Variants in LRRFIP1 observed in about 807,000 individuals in gnomAD.
LRRFIP1 encodes leucine-rich repeat flightless-interacting protein 1.
In LRRFIP1, 62 loss-of-function variants were observed where a neutral mutation model predicts 104.4. That is an observed-to-expected ratio of 0.59 (90% CI 0.48 to 0.73). The LOEUF (loss-of-function observed/expected upper bound fraction) is 0.73, where lower values mean the gene tolerates loss of function less well. LRRFIP1 is among the 30% of genes least tolerant of loss of function. The probability of loss-of-function intolerance (pLI) is 0.00; values close to 1 mark genes in which losing one functional copy is unlikely to be tolerated. For synonymous variants in LRRFIP1, 300 were observed against 299.0 expected, an observed-to-expected ratio of 1.00 and a Z score of -0.03; for missense variants, 796 against 824.5, an observed-to-expected ratio of 0.97 and a Z score of 0.42.
intron 23 of LRRFIP1, among the ~76,000 whole-genome samples, chr2:237,778,904 G>A (rs1358598477): frequency 2.0e-5 from 3 of 147,056 alleles, no homozygotes; most frequent in Admixed American, 6.9e-5. Flanking sequence ...GTGACAGAGC[G>A]AGACTTTGTC....
At chr2:237,758,919 T>TATGTA in intron 18 of LRRFIP1, 98 bp downstream of exon 18, 1 of 690,154 alleles carries the variant, frequency 1.4e-6, no homozygotes, top group Non-Finnish European at 2.5e-6. Context: ...TGTACATAAT[T>TATGTA]CATTTTATGT....
intron 13 of LRRFIP1, among the ~76,000 whole-genome samples, 185 bp from the exon 14 acceptor site, chr2:237,751,015 A>T (rs547566708): frequency 6.6e-6 from 1 of 152,340 alleles, no homozygotes; most frequent in East Asian, 1.9e-4. Context: ...TAAAAATATC[A>T]TATGGGATAC....
chr2:237,722,849 CT>C (rs1379201353), intron 6 of LRRFIP1, among the ~76,000 whole-genome samples: 2 of 152,184 alleles, frequency 1.3e-5, no homozygotes, highest in Non-Finnish European at 2.9e-5. Flanking sequence ...CCTCCGTGCG[CT>C]GGGTTCCCTG....
rs1323643880 is a variant in LRRFIP1, at chr2:237,735,801, T to C, written c.555+468T>C. 6.4e-6 allele frequency: 1 copy of C among 156,808 alleles called. No individual in the cohort carries two copies. The highest frequency in any genetic ancestry group is 1.4e-5 in the Non-Finnish European group (1 of 70,778). 9.7% of individuals were successfully genotyped at this position (156,808 alleles called of 1,614,324 possible). On this transcript the variant is annotated intron_variant, in intron 10 of 23. Transcript: ENST00000308482. This position sits in a 1 kb window ranked among gnomAD's most constrained non-coding sequence, Gnocchi z 4.6. ...CAATTTGAAATGATAGGCTCAGCTA[T>C]GAGGGTAAAGATGTAATAGGTGCAC...
chr2:237,776,966 G>A (rs567242365), intron 23 of LRRFIP1, among the ~76,000 whole-genome samples: 8 of 151,912 alleles, frequency 5.3e-5, no homozygotes, highest in East Asian at 1.9e-4. Context: ...TTTTTCTCTT[G>A]CCAAATTTAA....
chr2:237,708,867 C>T, intron 2 of LRRFIP1: 1 of 644,866 alleles, frequency 1.6e-6, no homozygotes, highest in Non-Finnish European at 3.0e-6. Flanking sequence ...AAGCCTCTTG[C>T]CTGCGCAGAT....
intron 11 of LRRFIP1, among the ~76,000 whole-genome samples, chr2:237,747,677 C>T (rs1447675186): frequency 2.6e-5 from 4 of 152,148 alleles, no homozygotes; most frequent in Admixed American, 1.3e-4. Flanking sequence ...TGTCTTTGGC[C>T]GATTTTCTGA....
chr2:237,721,509 G>A (rs562486536), intron 6 of LRRFIP1: 2 of 152,298 alleles, frequency 1.3e-5, no homozygotes, highest in African/African-American at 4.8e-5. Context: ...TTAAATCAGT[G>A]AATTAACCTG....
rs927793818 is a variant in LRRFIP1, at chr2:237,766,086, C to G, written c.1460-3857C>G. Among the ~76,000 whole-genome samples the G allele has an allele frequency of 3.3e-5, 5 of 152,144 alleles. No individual in the cohort carries two copies. Among genetic ancestry groups the G allele is most frequent in the African/African-American group, 1.2e-4 (5 of 41,410 alleles). The stretch of plus-strand genomic sequence containing the variant: ...AAGGAATGCACTTCCCTCCTGGCAT[C>G]GAGCCTGGGGCTAGCATGGGCATTA... On this transcript the variant is annotated intron_variant, in intron 19 of 23. Coordinates refer to ENST00000308482, the MANE Select transcript of LRRFIP1 (RefSeq NM_001137550.2). This position sits in a 1 kb window ranked among gnomAD's most constrained non-coding sequence, Gnocchi z 4.8.
At chr2:237,736,497 C>T (rs1009567632) in intron 10 of LRRFIP1, among the ~76,000 whole-genome samples, 3 of 152,160 alleles carry the variant, frequency 2.0e-5, no homozygotes, top group South Asian at 2.1e-4. Flanking sequence ...AAATTTCCCC[C>T]AAGCACCAGG....
Position 237,711,978 on chromosome 2 carries a change from G to A in LRRFIP1, c.184-2281G>A, listed in dbSNP as rs2094119135. Among the ~76,000 whole-genome samples the A allele has an allele frequency of 6.6e-6, 1 of 152,212 alleles. No homozygotes were observed. The highest frequency in any genetic ancestry group is 2.1e-4 in the South Asian group (1 of 4,836). On this transcript the variant is annotated intron_variant, in intron 2 of 23. Coordinates refer to ENST00000308482, the MANE Select transcript of LRRFIP1 (RefSeq NM_001137550.2). This position sits in a 1 kb window ranked among gnomAD's most constrained non-coding sequence, Gnocchi z 4.4. ...CAAGGCGGCAGCATTCCTGTTTAAA[G>A]TTTATGTCTGCTTCTTCAAAAGAGG...
intron 2 of LRRFIP1, among the ~76,000 whole-genome samples, chr2:237,710,742 G>A (rs908676462): frequency 6.7e-6 from 1 of 148,580 alleles, no homozygotes; most frequent in Non-Finnish European, 1.5e-5. Context: ...AAGGCAAGCA[G>A]TCATCGATTT....
chr2:237,692,358 C>G, intron 1 of LRRFIP1: 1 of 1,294,502 alleles, frequency 7.7e-7, no homozygotes, highest in Middle Eastern at 3.0e-4. Context: ...GCTCCGTCTC[C>G]GCGGACAGAG....
At chr2:237,746,539 G>C (rs1488192439) in intron 11 of LRRFIP1, among the ~76,000 whole-genome samples, 1 of 152,202 alleles carries the variant, frequency 6.6e-6, no homozygotes, top group Non-Finnish European at 1.5e-5. Flanking sequence ...TCCCATCGGA[G>C]TCTGCCTTGG....
intron 22 of LRRFIP1, chr2:237,774,000 G>C (rs561495327): frequency 6.4e-4 from 130 of 203,158 alleles, no homozygotes; most frequent in African/African-American, 2.8e-3. Context: ...GATTAGACTG[G>C]AGCTGAGGTC....
intron 19 of LRRFIP1, chr2:237,764,237 G>C (rs1432110091): frequency 6.2e-7 from 1 of 1,609,696 alleles, no homozygotes; most frequent in African/African-American, 1.3e-5. Flanking sequence ...TAAATTCATA[G>C]AGAGGCACTG....
chr2:237,727,334 C>T lies in LRRFIP1; in HGVS notation c.385-542C>T, dbSNP rs185171942. ...TCACACTACTGCATTCTAGCCTGGG[C>T]GACAGAGCGAGACTCTGTCTCAAAA... On this transcript the variant is annotated intron_variant, in intron 7 of 23. Coordinates refer to ENST00000308482, the MANE Select transcript of LRRFIP1 (RefSeq NM_001137550.2). 1.1e-4 allele frequency among the ~76,000 whole-genome samples: 16 copies of T among 143,802 alleles called. No homozygotes were observed. The East Asian group carries it at 1.6e-3, about 15-fold the overall frequency. The allele number at this position is 143,802 out of a possible 152,430, so 94.3% of individuals were successfully genotyped here. A position where few individuals can be genotyped will look rare whatever the true frequency, so the allele number is the denominator to read the frequency against.
intron 1 of LRRFIP1, among the ~76,000 whole-genome samples, chr2:237,688,952 A>T (rs6754488): frequency 0.041 from 6,239 of 151,372 alleles, 350 homozygotes; most frequent in African/African-American, 0.13. Flanking sequence ...TTTCAGAGCC[A>T]CACCCACACC....
Position 237,691,140 on chromosome 2 carries a change from G to C in LRRFIP1, c.97-17404G>C, listed in dbSNP as rs552950337. ...CAGCGTGCAGAGAAAAGGGAATTGG[G>C]AATTGGAGGGCTGTAAAATGTAAAT... On this transcript the variant is annotated intron_variant, in intron 1 of 23. Transcript: ENST00000308482. This position sits in a 1 kb window ranked among gnomAD's most constrained non-coding sequence, Gnocchi z 5.4. Among the ~76,000 whole-genome samples, 1 of 152,084 alleles carries C rather than the reference G, an allele frequency of 6.6e-6. No homozygotes were observed. Among genetic ancestry groups the C allele is most frequent in the South Asian group, 2.1e-4 (1 of 4,828 alleles).
Sources: allele counts gnomAD v4.1 joint callset (sites outside exome capture counted in the v4.1 genomes callset), GRCh38; gene constraint gnomAD v4.1.1; non-coding constraint Gnocchi (gnomAD v3.1); transcripts MANE v1.5; gene names NCBI Gene and HGNC (gene_info 2026-07-23, HGNC 2026-07-21).